SWAP70: variants seen among roughly 807,000 people sequenced by gnomAD.
SWAP70 encodes the protein switch-associated protein 70.
SWAP70 carries 34 observed loss-of-function variants against 80.2 expected under a neutral mutation model. That is an observed-to-expected ratio of 0.42 (90% confidence interval 0.32 to 0.56). SWAP70 has a LOEUF of 0.56. SWAP70 is among the 20% of genes least tolerant of loss of function. SWAP70 has a pLI of 0.09. For synonymous variants in SWAP70, 239 were observed against 238.5 expected (o/e 1.00, Z -0.02); for missense variants, 578 against 690.7 (o/e 0.84, Z 1.83).
In SWAP70 at chr11:9,729,323, A is replaced by G; in HGVS notation, c.790-20A>G. ...TAAATACTTAAAATTTTGAGGAACTAATTTTGCTTTCTGTTTTAGTCCTTG... is the reference window on the plus strand; with the variant it reads ...TAAATACTTAAAATTTTGAGGAACTGATTTTGCTTTCTGTTTTAGTCCTTG... On this transcript the variant is annotated intron_variant, in intron 5 of 11. Coordinates refer to ENST00000318950, the MANE Select transcript of SWAP70 (RefSeq NM_015055.4). 6.7e-7 allele frequency: 1 copy of G among 1,503,074 alleles called. No individual in the cohort carries two copies. Among genetic ancestry groups the G allele is most frequent in the Non-Finnish European group, 9.1e-7 (1 of 1,093,338 alleles). 93.1% of individuals were successfully genotyped at this position (1,503,074 alleles called of 1,614,324 possible).
At position 9,675,359 on chromosome 11, in the gene SWAP70, G is replaced by A. The variant is rs1476902647; in HGVS notation, c.99+11081G>A. On this transcript the variant is annotated intron_variant, in intron 1 of 11. Transcript: ENST00000318950. ...AGAGAGAGGGAGCGAGAGAGAGAGA[G>A]AGAGAGAGAGAGAGAGAGAGAGAGA... Among the ~76,000 whole-genome samples, 6 of 27,388 alleles carry A rather than the reference G, an allele frequency of 2.2e-4. No homozygotes were observed. The East Asian group carries it at 5.3e-3, about 24-fold the overall frequency. The allele number at this position is 27,388 out of a possible 152,430, so 18.0% of individuals were successfully genotyped here.
At chr11:9,737,288 C>T (rs953633390) in intron 7 of SWAP70, among the ~76,000 whole-genome samples, 4 of 152,292 alleles carry the variant, frequency 2.6e-5, no homozygotes, top group Admixed American at 1.3e-4. Context: ...AGGAGAAGAG[C>T]TTTCTTCTCA....
At chr11:9,737,133 C>G (rs1186259981) in intron 7 of SWAP70, among the ~76,000 whole-genome samples, 2 of 152,242 alleles carry the variant, frequency 1.3e-5, no homozygotes, top group Admixed American at 6.5e-5. Context: ...AATTCTCAGC[C>G]ACTCTTGCCT....
intron 7 of SWAP70, among the ~76,000 whole-genome samples, chr11:9,737,310 G>C (rs1851375472): frequency 6.6e-6 from 1 of 152,116 alleles, no homozygotes; most frequent in African/African-American, 2.4e-5. Context: ...TGACACTGTG[G>C]GGGTGGGGAG....
chr11:9,747,990 G>A lies in SWAP70; in HGVS notation c.1488G>A (p.Leu496=), dbSNP rs776801822. The A allele has an allele frequency of 8.1e-6, 13 of 1,614,116 alleles. No individual in the cohort carries two copies. The highest frequency in any genetic ancestry group is 1.3e-5 in the African/African-American group (1 of 75,044). Residue 496 remains leucine, a synonymous_variant, in exon 10 of 12, where the codon CTG becomes CTA. Coordinates refer to ENST00000318950, the MANE Select transcript of SWAP70 (RefSeq NM_015055.4). ...ENQRVLKEQA[L]QEAMEQLEQL... ...AGCGTGTCCTGAAGGAACAGGCCCT[G>A]CAGGAGGCCATGGAGCAGCTGGAGC...
intron 4 of SWAP70, among the ~76,000 whole-genome samples, chr11:9,726,446 G>C (rs934342279): frequency 6.6e-6 from 1 of 152,006 alleles, no homozygotes; most frequent in African/African-American, 2.4e-5. Context: ...GGCTGAATTT[G>C]TATAGGTTTT....
At chr11:9,703,085 T>C (rs1183055356) in intron 2 of SWAP70, among the ~76,000 whole-genome samples, 1 of 152,150 alleles carries the variant, frequency 6.6e-6, no homozygotes, top group Non-Finnish European at 1.5e-5. Context: ...TAGCAATCAC[T>C]CCCTCTCCCC....
At chr11:9,736,421 T>C (rs1024680850) in intron 7 of SWAP70, among the ~76,000 whole-genome samples, 1 of 128,316 alleles carries the variant, frequency 7.8e-6, no homozygotes, top group Non-Finnish European at 1.5e-5. Flanking sequence ...TTTCTTTGCA[T>C]GTCTCATAAT....
intron 3 of SWAP70, among the ~76,000 whole-genome samples, chr11:9,713,841 A>T (rs1465155451): frequency 6.6e-6 from 1 of 152,232 alleles, no homozygotes; most frequent in Non-Finnish European, 1.5e-5. Flanking sequence ...ATTTACAGGG[A>T]AAGTGGGTTT....
In SWAP70 at chr11:9,752,790, C is replaced by T. The variant is rs376067797; in HGVS notation, c.*2820C>T. 11 of 152,132 alleles carry T rather than the reference C, an allele frequency of 7.2e-5. No homozygotes were observed. The highest frequency in any genetic ancestry group is 2.2e-4 in the African/African-American group (9 of 41,512). The allele number at this position is 152,132 out of a possible 1,614,324, so 9.4% of individuals were successfully genotyped here. A position where few individuals can be genotyped will look rare whatever the true frequency, so the allele number is the denominator to read the frequency against. On this transcript the variant is annotated 3_prime_UTR_variant, in exon 12 of 12. Coordinates refer to ENST00000318950, the MANE Select transcript of SWAP70 (RefSeq NM_015055.4). Reference sequence around the variant, plus strand: ...GTGATGTGCTATGTTGAGGGGAAACCAAATATTTATGATTTTAAAACATTC... The same window carrying T: ...GTGATGTGCTATGTTGAGGGGAAACTAAATATTTATGATTTTAAAACATTC...
chr11:9,732,769 C>A, intron 7 of SWAP70, 59 bp downstream of exon 7: 2 of 1,459,000 alleles, frequency 1.4e-6, no homozygotes, highest in Non-Finnish European at 1.8e-6. Flanking sequence ...AGCCATCGTG[C>A]CTTGCTTAGG....
At position 9,724,866 on chromosome 11, in the gene SWAP70, T is replaced by C. The variant is rs1259307604; in HGVS notation, c.623T>C (p.Ile208Thr). The C allele has an allele frequency of 6.8e-6, 11 of 1,607,226 alleles. No homozygotes were observed. The highest frequency in any genetic ancestry group is 6.7e-5 in the Admixed American group (4 of 59,786). ...ATTAATGAAGTCTTTAATGAACTTA[T>C]ATTAGATGTGTTAAAGCAGGTAAGA... ...MAINEVFNELILDVLKQGYMM... is the reference protein window; with the variant it reads ...MAINEVFNELTLDVLKQGYMM... The change falls in exon 4 of 12, where the codon ATA becomes ACA. Residue 208 changes from isoleucine to threonine, a missense_variant. Physicochemically the swap from Ile to Thr is moderately conservative, Grantham distance 89. Transcript: ENST00000318950.
At chr11:9,711,120 C>CTA (rs755525973) in intron 2 of SWAP70, among the ~76,000 whole-genome samples, 2 of 151,194 alleles carry the variant, frequency 1.3e-5, no homozygotes, top group Non-Finnish European at 2.9e-5. Flanking sequence ...TGAGGTCTTG[C>CTA]TATATTGCCC....
intron 2 of SWAP70, chr11:9,703,575 C>T (rs1324333274): frequency 9.1e-6 from 4 of 437,408 alleles, no homozygotes; most frequent in Admixed American, 7.4e-5. Context: ...AACCAGCTCT[C>T]CTATAATGTG....
intron 9 of SWAP70, among the ~76,000 whole-genome samples, chr11:9,744,194 C>T (rs1034510265): frequency 1.3e-5 from 2 of 152,154 alleles, no homozygotes; most frequent in Non-Finnish European, 2.9e-5. Context: ...GATCTCCTGA[C>T]CTCGTGATCC....
At position 9,740,318 on chromosome 11, in the gene SWAP70, T is replaced by A. The variant is rs768159143; in HGVS notation, c.1326T>A (p.Asp442Glu). The change falls in exon 9 of 12, where the codon GAT becomes GAA. Residue 442 changes from aspartate to glutamate, a missense_variant. Asp to Glu is a conservative substitution (Grantham distance 45). Coordinates refer to ENST00000318950, the MANE Select transcript of SWAP70 (RefSeq NM_015055.4). ...AAGATGAGAGACAGGCCCGGCAAGA[T>A]GAAGAGACAGTGCGGAAGCTTCAGG... ...ALEDERQARQDEETVRKLQAR... is the reference protein window; with the variant it reads ...ALEDERQARQEEETVRKLQAR... The A allele has an allele frequency of 2.5e-6, 4 of 1,614,196 alleles. No homozygotes were observed. The South Asian group carries it at 4.4e-5, about 18-fold the overall frequency.
intron 8 of SWAP70, 129 bp from the exon 9 acceptor site, chr11:9,740,052 T>C (rs1851415454): frequency 2.7e-6 from 2 of 727,854 alleles, no homozygotes; most frequent in Non-Finnish European, 4.6e-6. Flanking sequence ...AGTTCAAGGA[T>C]TGAAGGACAG....
chr11:9,720,122 A>G (rs1449140059), intron 3 of SWAP70: 9 of 985,224 alleles, frequency 9.1e-6, no homozygotes, highest in Non-Finnish European at 1.1e-5. Flanking sequence ...ATTATTTAGT[A>G]TAATTGAATA....
intron 3 of SWAP70, among the ~76,000 whole-genome samples, chr11:9,720,693 C>G (rs915416367): frequency 6.6e-6 from 1 of 152,190 alleles, no homozygotes; most frequent in African/African-American, 2.4e-5. Context: ...CTTCTTTTTG[C>G]TGCCTTAGGG....
Sources: gnomAD v4.1 joint callset for allele counts (sites outside exome capture counted in the v4.1 genomes callset) on GRCh38, gnomAD v4.1.1 for gene constraint, MANE v1.5 for transcripts, NCBI Gene and HGNC (gene_info 2026-07-23, HGNC 2026-07-21) for gene names.